ANKRD26: variants seen among roughly 807,000 people sequenced by gnomAD.
The protein encoded by ANKRD26 is ankyrin repeat domain-containing protein 26.
In ANKRD26, 141 loss-of-function variants were observed where a neutral mutation model predicts 208.7. That is an observed-to-expected ratio of 0.68 (90% confidence interval 0.59 to 0.78). The LOEUF (loss-of-function observed/expected upper bound fraction) is 0.78, where lower values mean the gene tolerates loss of function less well. Ranked by LOEUF, ANKRD26 falls within the 30% of genes least tolerant of loss-of-function variation. The pLI is 0.00. For missense variants in ANKRD26, 1,889 were observed against 1,938.7 expected (o/e 0.97, Z 0.48); for synonymous variants, 636 against 660.4 (o/e 0.96, Z 0.57).
At chr10:27,000,383 C>T (rs535457019), downstream of ANKRD26, among the ~76,000 whole-genome samples, 1 of 152,182 alleles carries the variant, frequency 6.6e-6, no homozygotes, top group Non-Finnish European at 1.5e-5. Flanking sequence ...ATGTGGATGC[C>T]TACTGTTTCC....
At position 27,014,487 on chromosome 10, in the gene ANKRD26, G is replaced by GGTTATATATATATATATAA; in HGVS notation, c.4724+6_4724+7insTTATATATATATATATAAC. On this transcript the variant is annotated splice_region_variant and intron_variant, in intron 31 of 33. Coordinates refer to ENST00000376087, the MANE Select transcript of ANKRD26 (RefSeq NM_014915.3). ...TTTATTTCCTATGATTCTATATTTT[G>GGTTATATATATATATATAA]ACTTACTTGGTTAGTTTACTTGACA... 6.5e-7 allele frequency: 1 copy of GGTTATATATATATATATAA among 1,528,538 alleles called. No homozygotes were observed. Among genetic ancestry groups the GGTTATATATATATATATAA allele is most frequent in the Non-Finnish European group, 9.0e-7 (1 of 1,108,774 alleles). The allele number at this position is 1,528,538 out of a possible 1,614,324, so 94.7% of individuals were successfully genotyped here.
Position 27,085,674 on chromosome 10 carries a change from G to A in ANKRD26, c.709+865C>T, listed in dbSNP as rs147926736. Among the ~76,000 whole-genome samples the A allele has an allele frequency of 2.3e-3, 349 of 152,168 alleles. 4 individuals carry two copies. The highest frequency in any genetic ancestry group is 4.3e-3 in the Admixed American group (65 of 15,270). ...TGTTGAGTTCCCCCTTTTAAAGATA[G>A]TTAATTTTTAGTGACCCAAATCACT... On this transcript the variant is annotated intron_variant, in intron 5 of 33. Coordinates refer to ENST00000376087, the MANE Select transcript of ANKRD26 (RefSeq NM_014915.3).
At chr10:27,001,931 T>C (rs920027086), downstream of ANKRD26, among the ~76,000 whole-genome samples, 5 of 152,234 alleles carry the variant, frequency 3.3e-5, no homozygotes, top group African/African-American at 1.2e-4. Flanking sequence ...ATAATTTCTT[T>C]CTATCTCCTG....
rs1318354616 is a variant in ANKRD26 at position 27,037,265 on chromosome 10, A to G, written c.2618T>C (p.Met873Thr). 6.2e-7 allele frequency: 1 copy of G among 1,613,904 alleles called. No homozygotes were observed. Among genetic ancestry groups the G allele is most frequent in the Non-Finnish European group, 8.5e-7 (1 of 1,179,864 alleles). ...ATTGGTCAGAATTCCATCTTGTAAC[A>G]TTCTGGCATTCTGTTCTCGAGAAAG... Reference protein sequence around the residue: ...RQLSREQNARMLQDGILTNHL... With the variant: ...RQLSREQNARTLQDGILTNHL... The change falls in exon 23 of 34, where the codon ATG becomes ACG. Residue 873 changes from methionine (M) to threonine (T), a missense_variant. Met to Thr is a moderately conservative substitution (Grantham distance 81). This residue lies in a region of ANKRD26 where 1,272 missense variants were observed against 1,273.8 expected (regional missense o/e 1.00). Transcript: ENST00000376087.
chr10:27,014,381 T>A (rs1414984594), intron 31 of ANKRD26, 113 bp downstream of exon 31: 1 of 803,468 alleles, frequency 1.2e-6, no homozygotes, highest in African/African-American at 1.8e-5. Flanking sequence ...TTTCCAAAAT[T>A]ATATTACCTA....
intron 6 of ANKRD26, among the ~76,000 whole-genome samples, chr10:27,081,528 C>T (rs2055904095): frequency 6.6e-6 from 1 of 152,112 alleles, no homozygotes; most frequent in African/African-American, 2.4e-5. Flanking sequence ...TTCAGGTTCT[C>T]CATCTGAACC....
In ANKRD26 at chr10:27,093,694, A is replaced by T; in HGVS notation, c.348T>A (p.Ala116=). The T allele has an allele frequency of 3.1e-6, 5 of 1,613,914 alleles. No homozygotes were observed. Among genetic ancestry groups the T allele is most frequent in the Non-Finnish European group, 3.4e-6 (4 of 1,179,760 alleles). The change falls in exon 2 of 34, where the codon GCT becomes GCA. Residue 116 remains alanine (A), a synonymous_variant. Transcript: ENST00000376087. The part of the protein sequence containing the change: ...LNVCDNENRT[A]LMKAVQCQEE... ...GCTGGCTACTATATACCTTCATCAG[A>T]GCTGTCCTGTTTTCGTTGTCACAGA...
intron 17 of ANKRD26, among the ~76,000 whole-genome samples, chr10:27,047,392 G>A (rs980924872): frequency 6.6e-6 from 1 of 151,950 alleles, no homozygotes; most frequent in East Asian, 1.9e-4. Context: ...AGGCTGAGGC[G>A]GGTGGATCAT....
At chr10:27,083,396 A>C (rs1007231547) in intron 5 of ANKRD26, among the ~76,000 whole-genome samples, 1 of 152,166 alleles carries the variant, frequency 6.6e-6, no homozygotes, top group African/African-American at 2.4e-5. Context: ...CTAATAAAAA[A>C]GTTATAACAT....
intron 20 of ANKRD26, 80 bp from the exon 21 acceptor site, chr10:27,040,258 TAA>T (rs1189297729): frequency 2.0e-6 from 2 of 1,024,852 alleles, no homozygotes; most frequent in African/African-American, 3.2e-5. Context: ...ATTCACTCAT[TAA>T]GACACTGACC....
intron 5 of ANKRD26, among the ~76,000 whole-genome samples, chr10:26,992,779 A>C (rs943106199): frequency 3.3e-5 from 5 of 152,180 alleles, no homozygotes; most frequent in Non-Finnish European, 5.9e-5. Flanking sequence ...CCAACCACTC[A>C]ACCAGTCAAT....
chr10:26,989,633 G>T (rs1258429508), downstream of ANKRD26, among the ~76,000 whole-genome samples: 1 of 152,126 alleles, frequency 6.6e-6, no homozygotes, highest in Non-Finnish European at 1.5e-5. Context: ...TCCCCTACCT[G>T]TTACTGATTG....
At chr10:26,987,487 G>A (rs74128515), downstream of ANKRD26, among the ~76,000 whole-genome samples, 363 of 152,240 alleles carry the variant, frequency 2.4e-3, no homozygotes, top group African/African-American at 8.3e-3. Flanking sequence ...CCTCTAATAA[G>A]GAAACCACGG....
intron 27 of ANKRD26, among the ~76,000 whole-genome samples, chr10:27,026,911 T>C (rs11015461): frequency 0.2 from 30,323 of 151,852 alleles, 3,625 homozygotes; most frequent in East Asian, 0.56. Context: ...TTCAGCCTCC[T>C]GAGTAGTAGG....
At chr10:26,992,691 A>G (rs760953571) in intron 5 of ANKRD26, among the ~76,000 whole-genome samples, 5 of 152,192 alleles carry the variant, frequency 3.3e-5, no homozygotes, top group Non-Finnish European at 7.3e-5. Flanking sequence ...TGTAAGCAAA[A>G]GCATGGCAGA....
At chr10:26,975,857 A>T (rs879293283) in exon 6 of ANKRD26, among the ~76,000 whole-genome samples, 224 of 151,504 alleles carry the variant, frequency 1.5e-3, no homozygotes, top group Middle Eastern at 6.9e-3. Flanking sequence ...AAATAAATAA[A>T]TAATAAATAA....
chr10:27,042,796 T>TACAAAAAAAAAAAAAAAAAAAAAA, intron 20 of ANKRD26, among the ~76,000 whole-genome samples: 1 of 24,566 alleles, frequency 4.1e-5, no homozygotes, highest in South Asian at 1.2e-3. Context: ...AACAAAAAAA[T>TACAAAAAAAAAAAAAAAAAAAAAA]ACAAAAAAAA....
intron 15 of ANKRD26, among the ~76,000 whole-genome samples, chr10:27,059,577 ATTG>A (rs2054973380): frequency 6.6e-6 from 1 of 152,194 alleles, no homozygotes; most frequent in Admixed American, 6.5e-5. Context: ...AAGTTTCAGA[ATTG>A]TTGTTTTAAA....
At chr10:27,055,451 AG>A (rs2054806665) in intron 15 of ANKRD26, among the ~76,000 whole-genome samples, 1 of 152,144 alleles carries the variant, frequency 6.6e-6, no homozygotes, top group African/African-American at 2.4e-5. Flanking sequence ...TAATTCTACA[AG>A]TAAGGGGGAA....
Sources: allele counts gnomAD v4.1 joint callset (sites outside exome capture counted in the v4.1 genomes callset), GRCh38; gene constraint gnomAD v4.1.1; regional missense constraint gnomAD v4.1.1; transcripts MANE v1.5; gene names NCBI Gene and HGNC (gene_info 2026-07-23, HGNC 2026-07-21).